Variants in TSPAN18 observed in about 807,000 individuals in gnomAD.
The protein encoded by TSPAN18 is tetraspanin 18.
Under a neutral mutation model 27.3 loss-of-function variants are expected in TSPAN18, and 14 were observed. The observed-to-expected ratio is 0.51, with a 90% CI of 0.34 to 0.80. The LOEUF is 0.80. Among genes scored for constraint, TSPAN18 ranks in the 30% least tolerant of loss-of-function variants. The pLI is 0.01. For synonymous variants in TSPAN18, 143 were observed against 136.5 expected (o/e 1.05, Z -0.33); for missense variants, 268 against 323.9 (o/e 0.83, Z 1.32).
At chr11:44,769,160 G>T (rs1395055816) in intron 2 of TSPAN18, among the ~76,000 whole-genome samples, 1 of 152,154 alleles carries the variant, frequency 6.6e-6, no homozygotes, top group Non-Finnish European at 1.5e-5. Flanking sequence ...CTCCCAAAGT[G>T]CTGGGATTGC....
intron 8 of TSPAN18, among the ~76,000 whole-genome samples, chr11:44,922,414 G>A (rs964281989): frequency 2.6e-5 from 4 of 152,158 alleles, no homozygotes; most frequent in African/African-American, 7.2e-5. Context: ...CACCATGTCC[G>A]GCCCTAGGAT....
Position 44,930,809 on chromosome 11 carries a change from T to C in TSPAN18, c.*1631T>C. 1 of 478,932 alleles carries C rather than the reference T, an allele frequency of 2.1e-6. No homozygotes were observed. The highest frequency in any genetic ancestry group is 4.3e-6 in the Non-Finnish European group (1 of 231,538). 29.7% of individuals were successfully genotyped at this position (478,932 alleles called of 1,614,324 possible). On this transcript the variant is annotated 3_prime_UTR_variant, in exon 10 of 10. Transcript: ENST00000520358. ...TAGTGATGTCTGCCACGGGCAGGGA[T>C]GGAAGGAGCAGTGTGATGTCTGCTC...
chr11:44,861,450 C>G (rs1448081507), intron 3 of TSPAN18, among the ~76,000 whole-genome samples: 1 of 18,704 alleles, frequency 5.3e-5, no homozygotes, highest in Non-Finnish European at 1.0e-4. Flanking sequence ...CTGGTCGGTG[C>G]TGGGGTGGGG....
In TSPAN18 at chr11:44,750,500, G is replaced by T. The variant is rs1285292443; in HGVS notation, c.-239-13926G>T. Among the ~76,000 whole-genome samples the T allele has an allele frequency of 5.9e-5, 9 of 152,206 alleles. No homozygotes were observed. In the East Asian group the frequency reaches 1.7e-3, roughly 29 times the overall value. On this transcript the variant is annotated intron_variant, in intron 1 of 9. Transcript: ENST00000520358. ...AATAAATGAATAAAAATTGTGACCA[G>T]AGTGAATCCCCACATGAGGCGGTAT...
chr11:44,782,538 G>C (rs547507752), intron 2 of TSPAN18, among the ~76,000 whole-genome samples: 1 of 125,412 alleles, frequency 8.0e-6, no homozygotes, highest in African/African-American at 3.2e-5. Flanking sequence ...GTGAGACTCC[G>C]TCTCCACAAA....
At chr11:44,824,441 G>T (rs868224394) in intron 2 of TSPAN18, among the ~76,000 whole-genome samples, 5 of 152,210 alleles carry the variant, frequency 3.3e-5, no homozygotes, top group Non-Finnish European at 5.9e-5. Flanking sequence ...CAAGCTGTGT[G>T]GGGGAGGGTC....
At chr11:44,881,944 T>G (rs933407243) in intron 3 of TSPAN18, among the ~76,000 whole-genome samples, 3 of 152,222 alleles carry the variant, frequency 2.0e-5, no homozygotes, top group African/African-American at 7.2e-5. Flanking sequence ...CTGTTGGAAT[T>G]ATACCTTGGA....
At chr11:44,915,052 C>T (rs925536478) in intron 5 of TSPAN18, among the ~76,000 whole-genome samples, 5 of 152,350 alleles carry the variant, frequency 3.3e-5, no homozygotes, top group African/African-American at 1.2e-4. Context: ...GTACACGAGG[C>T]CTGTGATCTG....
chr11:44,886,506 G>A (rs1265414898), intron 3 of TSPAN18: 1 of 152,230 alleles, frequency 6.6e-6, no homozygotes, highest in African/African-American at 2.4e-5. Flanking sequence ...CTGCTGTGCT[G>A]GCTTTGCTGG....
chr11:44,816,387 T>G (rs1446319111), intron 2 of TSPAN18, among the ~76,000 whole-genome samples: 1 of 152,238 alleles, frequency 6.6e-6, no homozygotes, highest in Middle Eastern at 3.2e-3. Flanking sequence ...CTTCAGCATC[T>G]GTGTCTTTTC....
At chr11:44,782,494 G>T (rs1262158689) in intron 2 of TSPAN18, among the ~76,000 whole-genome samples, 1 of 147,250 alleles carries the variant, frequency 6.8e-6, no homozygotes, top group Non-Finnish European at 1.5e-5. Context: ...AATGAGCAGA[G>T]ATCATGCCAC....
Position 44,727,175 on chromosome 11 carries a change from G to T in TSPAN18, c.-352G>T, listed in dbSNP as rs1428538806. 6 of 150,570 alleles carry T rather than the reference G, an allele frequency of 4.0e-5. No homozygotes were observed. The highest frequency in any genetic ancestry group is 7.4e-5 in the Non-Finnish European group (5 of 67,318). 9.3% of individuals were successfully genotyped at this position (150,570 alleles called of 1,614,324 possible). ...GCGGGTCCCCGGACGCGCCGCCACC[G>T]CCGGGAAGGCAGCCGGCGCCGGGCA... is the stretch of plus-strand genomic sequence containing the variant. On this transcript the variant is annotated 5_prime_UTR_variant, in exon 1 of 10. Transcript: ENST00000520358.
At chr11:44,840,169 A>G (rs1457170108) in intron 2 of TSPAN18, among the ~76,000 whole-genome samples, 1 of 152,208 alleles carries the variant, frequency 6.6e-6, no homozygotes, top group Admixed American at 6.5e-5. Flanking sequence ...TTGTGAATCT[A>G]TGAAAAGGGG....
chr11:44,728,357 C>T (rs971871785), intron 1 of TSPAN18, among the ~76,000 whole-genome samples: 12 of 152,196 alleles, frequency 7.9e-5, no homozygotes, highest in Admixed American at 7.2e-4. Flanking sequence ...GGGGAATTAA[C>T]TTTTTGACGG....
At chr11:44,879,032 T>C (rs911832640) in intron 3 of TSPAN18, among the ~76,000 whole-genome samples, 1 of 152,164 alleles carries the variant, frequency 6.6e-6, no homozygotes, top group African/African-American at 2.4e-5. Flanking sequence ...GCCCTGAACT[T>C]CAAAGGGCCC....
At chr11:44,727,506 A>T (rs1445095745) in intron 1 of TSPAN18, among the ~76,000 whole-genome samples, 1 of 152,112 alleles carries the variant, frequency 6.6e-6, no homozygotes, top group Admixed American at 6.5e-5. Flanking sequence ...GCCTGCCCGG[A>T]GTCCGCTGAG....
chr11:44,776,854 A>G (rs1855821430), intron 2 of TSPAN18, among the ~76,000 whole-genome samples: 1 of 152,198 alleles, frequency 6.6e-6, no homozygotes, highest in South Asian at 2.1e-4. Flanking sequence ...TAGTTTCACC[A>G]TGCTTCTCTA....
intron 2 of TSPAN18, among the ~76,000 whole-genome samples, chr11:44,818,519 T>C (rs748372438): frequency 3.9e-5 from 6 of 152,172 alleles, no homozygotes; most frequent in Non-Finnish European, 8.8e-5. Flanking sequence ...TGGCCCAGCG[T>C]CCTGCATTTG....
chr11:44,825,949 G>T (rs146497163), intron 2 of TSPAN18, among the ~76,000 whole-genome samples: 1 of 152,234 alleles, frequency 6.6e-6, no homozygotes, highest in Non-Finnish European at 1.5e-5. Context: ...TCTGACTGTG[G>T]GCCTCAGGCT....
Sources: allele counts gnomAD v4.1 joint callset (sites outside exome capture counted in the v4.1 genomes callset), GRCh38; gene constraint gnomAD v4.1.1; transcripts MANE v1.5; gene names NCBI Gene and HGNC (gene_info 2026-07-23, HGNC 2026-07-21).